The following TP53BP1 variants were observed in gnomAD, a reference collection of about 807,000 sequenced individuals.
TP53BP1 encodes tumor protein p53 binding protein 1.
TP53BP1 carries 61 observed loss-of-function variants against 200.8 expected under a neutral mutation model. The ratio of observed to expected loss-of-function variants is 0.30; its 90% CI spans 0.25 to 0.38. The LOEUF is 0.38. TP53BP1 is among the 10% of genes least tolerant of loss of function. The pLI, the probability that TP53BP1 is intolerant of heterozygous loss-of-function variation, is 1.00. For missense variants in TP53BP1, 2,144 were observed against 2,371.9 expected (o/e 0.90, Z 2.00); for synonymous variants, 822 against 844.3 (o/e 0.97, Z 0.46).
intron 15 of TP53BP1, among the ~76,000 whole-genome samples, chr15:43,440,222 G>GCA (rs771961804): frequency 6.6e-6 from 1 of 152,176 alleles, no homozygotes; most frequent in Non-Finnish European, 1.5e-5. Context: ...GTTGAGTGGG[G>GCA]CACACCCTTT....
chr15:43,507,777 G>A (rs72709879), intron 1 of TP53BP1, among the ~76,000 whole-genome samples: 26,490 of 151,312 alleles, frequency 0.18, 2,487 homozygotes, highest in Middle Eastern at 0.27. Context: ...AAGCTAGAGC[G>A]CAGTGGCGAG....
Position 43,473,110 on chromosome 15 carries a change from T to G in TP53BP1, c.1180+1563A>C, listed in dbSNP as rs190182176. On this transcript the variant is annotated intron_variant, in intron 10 of 27. Transcript: ENST00000382044. ...TTCGTTCCTCCCAGTGGGCTCGTGG[T>G]CTCGCTGGCTTTAGGAGTGAAGCTA... 6.4e-4 allele frequency among the ~76,000 whole-genome samples: 98 copies of G among 152,232 alleles called. 1 individual carries two copies. The East Asian group carries it at 0.015, about 24-fold the overall frequency.
At chr15:43,448,068 G>A (rs548500334) in intron 12 of TP53BP1, among the ~76,000 whole-genome samples, 5 of 152,254 alleles carry the variant, frequency 3.3e-5, no homozygotes, top group South Asian at 2.1e-4. Context: ...TCAGCAGTAC[G>A]GACCAGCATT....
intron 11 of TP53BP1, among the ~76,000 whole-genome samples, chr15:43,467,392 A>G (rs763260423): frequency 2.6e-5 from 4 of 152,136 alleles, no homozygotes; most frequent in Non-Finnish European, 5.9e-5. Flanking sequence ...GAGACTTTTC[A>G]GGAGGCATGG....
At position 43,455,887 on chromosome 15, in the gene TP53BP1, C is replaced by T; in HGVS notation, c.2716+5G>A. The stretch of plus-strand genomic sequence containing the variant: ...GAGACAAGAATAATCTACAATCACA[C>T]TCACCACTAGAACTTTCACAGAAGC... On this transcript the variant is annotated splice_donor_5th_base_variant and intron_variant, in intron 12 of 27. Coordinates refer to ENST00000382044, the MANE Select transcript of TP53BP1 (RefSeq NM_001141980.3). The T allele has an allele frequency of 6.2e-6, 10 of 1,612,820 alleles. No homozygotes were observed. The highest frequency in any genetic ancestry group is 1.3e-5 in the African/African-American group (1 of 74,962).
chr15:43,458,249 T>C (rs975571710), intron 11 of TP53BP1, among the ~76,000 whole-genome samples: 8 of 150,804 alleles, frequency 5.3e-5, no homozygotes, highest in Middle Eastern at 3.3e-3. Flanking sequence ...CTGGCCAACA[T>C]GGTGAAACCC....
chr15:43,463,291 A>G (rs1361547399), intron 11 of TP53BP1, among the ~76,000 whole-genome samples: 1 of 152,186 alleles, frequency 6.6e-6, no homozygotes, highest in African/African-American at 2.4e-5. Context: ...GCAATTGACA[A>G]GTTTATTAGG....
chr15:43,421,705 C>T, intron 19 of TP53BP1, 150 bp downstream of exon 19: 1 of 1,171,772 alleles, frequency 8.5e-7, no homozygotes, highest in Non-Finnish European at 1.2e-6. Context: ...AAACCCAAAA[C>T]AGGAAGAGAG....
intron 18 of TP53BP1, among the ~76,000 whole-genome samples, chr15:43,425,356 C>G (rs2045503074): frequency 6.6e-6 from 1 of 152,216 alleles, no homozygotes; most frequent in Non-Finnish European, 1.5e-5. Context: ...AGCACAGTAG[C>G]TCATGCCTGT....
chr15:43,414,537 T>C (rs964507564), intron 23 of TP53BP1, among the ~76,000 whole-genome samples: 1 of 152,084 alleles, frequency 6.6e-6, no homozygotes, highest in African/African-American at 2.4e-5. Context: ...CAAAAGGGAA[T>C]AGACTGATTT....
At chr15:43,464,569 G>A (rs961506070) in intron 11 of TP53BP1, among the ~76,000 whole-genome samples, 4 of 152,108 alleles carry the variant, frequency 2.6e-5, no homozygotes, top group Non-Finnish European at 5.9e-5. Flanking sequence ...GAATCCATGA[G>A]TAACTGTGGT....
chr15:43,480,114 C>G, intron 5 of TP53BP1, 97 bp from the exon 6 acceptor site: 1 of 1,142,650 alleles, frequency 8.8e-7, no homozygotes, highest in Non-Finnish European at 1.3e-6. Flanking sequence ...TTAAGTCCTT[C>G]ACATCAAAGC....
Position 43,477,814 on chromosome 15 carries a change from T to C in TP53BP1, c.789-55A>G, listed in dbSNP as rs530136907. ...GTTCCTAAGTTCAAATGTTTTTAAATAAAAAGCTTTTCCTGTTTTGTGTGT... is the reference window on the plus strand; with the variant it reads ...GTTCCTAAGTTCAAATGTTTTTAAACAAAAAGCTTTTCCTGTTTTGTGTGT... On this transcript the variant is annotated intron_variant, in intron 7 of 27. Transcript: ENST00000382044. The C allele has an allele frequency of 3.4e-5, 46 of 1,355,586 alleles. No homozygotes were observed. In the African/African-American group the frequency reaches 6.2e-4, roughly 18 times the overall value. 84.0% of individuals were successfully genotyped at this position (1,355,586 alleles called of 1,614,324 possible). A position where few individuals can be genotyped will look rare whatever the true frequency, so the allele number is the denominator to read the frequency against.
chr15:43,479,736 C>T lies in TP53BP1; in HGVS notation c.658+123G>A, dbSNP rs2078935511. 2.3e-6 allele frequency: 3 copies of T among 1,313,848 alleles called. No individual in the cohort carries two copies. The South Asian group carries it at 4.5e-5, about 20-fold the overall frequency. The allele number at this position is 1,313,848 out of a possible 1,614,324, so 81.4% of individuals were successfully genotyped here. ...AAGTATTTACCAGAAAACTCTTCAA[C>T]CTTACTAAATTACTTAGATTATATT... is the stretch of plus-strand genomic sequence containing the variant. On this transcript the variant is annotated intron_variant, in intron 6 of 27. Coordinates refer to ENST00000382044, the MANE Select transcript of TP53BP1 (RefSeq NM_001141980.3).
At chr15:43,407,846 C>T in intron 27 of TP53BP1, 97 bp downstream of exon 27, 10 of 1,263,048 alleles carry the variant, frequency 7.9e-6, no homozygotes, top group Non-Finnish European at 1.1e-5. Context: ...TGGATACGGT[C>T]AACCTATTAG....
intron 4 of TP53BP1, among the ~76,000 whole-genome samples, chr15:43,488,990 T>C (rs2079084816): frequency 6.6e-6 from 1 of 152,264 alleles, no homozygotes; most frequent in Non-Finnish European, 1.5e-5. Context: ...TCATTCTGTT[T>C]GGACAGCTCC....
intron 1 of TP53BP1, among the ~76,000 whole-genome samples, chr15:43,508,797 C>T (rs1272515184): frequency 6.6e-6 from 1 of 152,206 alleles, no homozygotes; most frequent in Non-Finnish European, 1.5e-5. Flanking sequence ...GCAAAATACT[C>T]ATCCAGCACA....
Position 43,404,473 on chromosome 15 carries a change from A to G in TP53BP1, c.*2910T>C. 1 of 1,614,166 alleles carries G rather than the reference A, an allele frequency of 6.2e-7. No individual in the cohort carries two copies. The highest frequency in any genetic ancestry group is 1.7e-5 in the Admixed American group (1 of 60,020). On this transcript the variant is annotated 3_prime_UTR_variant, in exon 28 of 28. Coordinates refer to ENST00000382044, the MANE Select transcript of TP53BP1 (RefSeq NM_001141980.3). ...TCTCTCCAGTGTTCGGAATCATCAG[A>G]TCAACTCAGATTTGGCTCAACTACT...
intron 1 of TP53BP1, among the ~76,000 whole-genome samples, chr15:43,500,268 C>T (rs140640950): frequency 6.6e-6 from 1 of 152,328 alleles, no homozygotes; most frequent in African/African-American, 2.4e-5. Context: ...CAACTTCACC[C>T]TTCTGGTTGC....
Sources: gnomAD v4.1 joint callset for allele counts (sites outside exome capture counted in the v4.1 genomes callset) on GRCh38, gnomAD v4.1.1 for gene constraint, MANE v1.5 for transcripts, NCBI Gene and HGNC (gene_info 2026-07-23, HGNC 2026-07-21) for gene names.